The following ZNF578 variants were observed in gnomAD, a reference collection of about 807,000 sequenced individuals.
ZNF578 encodes zinc finger protein 578.
ZNF578 carries 8 observed loss-of-function variants against 8.3 expected under a neutral mutation model. The observed-to-expected ratio is 0.96, with a 90% CI of 0.56 to 1.74. ZNF578 has a LOEUF of 1.74. Ranked by LOEUF, ZNF578 falls within the 40% of genes most tolerant of loss-of-function variation. The pLI, the probability that ZNF578 is intolerant of heterozygous loss-of-function variation, is 0.00. For missense variants in ZNF578, 726 were observed against 707.5 expected (o/e 1.03, Z -0.30); for synonymous variants, 206 against 232.2 (o/e 0.89, Z 1.03).
intron 2 of ZNF578, among the ~76,000 whole-genome samples, chr19:52,488,944 A>G (rs949384676): frequency 6.6e-6 from 1 of 151,690 alleles, no homozygotes; most frequent in Non-Finnish European, 1.5e-5. Context: ...AAAATACAAA[A>G]ATTAGCTGGC....
chr19:52,461,939 C>T (rs772419380), intron 2 of ZNF578, among the ~76,000 whole-genome samples: 5 of 152,156 alleles, frequency 3.3e-5, no homozygotes, highest in Non-Finnish European at 5.9e-5. Flanking sequence ...GCACACTTTT[C>T]AGTGTAAGTA....
Position 52,511,175 on chromosome 19 carries a change from G to T in ZNF578, c.794G>T (p.Gly265Val), listed in dbSNP as rs561969065. ...GEKQYKFDIC[G>V]KVFNEKRYLA... ...AAACAATATAAATTTGATATATGTGGCAAAGTCTTTAATGAGAAGCGATAC... is the reference window on the plus strand; with the variant it reads ...AAACAATATAAATTTGATATATGTGTCAAAGTCTTTAATGAGAAGCGATAC... The change falls in exon 6 of 6, where the codon GGC becomes GTC. Residue 265 changes from glycine (G) to valine (V), a missense_variant. Physicochemically the swap from Gly to Val is moderately radical, Grantham distance 109. Transcript: ENST00000421239. 1.9e-6 allele frequency: 3 copies of T among 1,614,200 alleles called. No individual in the cohort carries two copies. The highest frequency in any genetic ancestry group is 2.7e-5 in the African/African-American group (2 of 75,064).
rs151186398 is a variant in ZNF578, at chr19:52,490,805, T to C, written c.-121-519T>C. Among the ~76,000 whole-genome samples the C allele has an allele frequency of 3.5e-3, 533 of 152,212 alleles. 8 individuals carry two copies. The highest frequency in any genetic ancestry group is 0.012 in the African/African-American group (491 of 41,526). Reference sequence around the variant, plus strand: ...GGTGACCGCCACCACGCCTGGCTGATTTTTGGAATCTTTTCTTATCTTCTC... The same window carrying C: ...GGTGACCGCCACCACGCCTGGCTGACTTTTGGAATCTTTTCTTATCTTCTC... On this transcript the variant is annotated intron_variant, in intron 2 of 5. Coordinates refer to ENST00000421239, the MANE Select transcript of ZNF578 (RefSeq NM_001099694.2).
chr19:52,485,010 T>C (rs914307231), intron 2 of ZNF578, among the ~76,000 whole-genome samples: 2 of 147,776 alleles, frequency 1.4e-5, no homozygotes, highest in Non-Finnish European at 3.0e-5. Context: ...TGGCTGTTTA[T>C]TTCACCTGGG....
At chr19:52,470,176 A>G (rs1324203511) in intron 2 of ZNF578, among the ~76,000 whole-genome samples, 1 of 152,072 alleles carries the variant, frequency 6.6e-6, no homozygotes, top group Non-Finnish European at 1.5e-5. Flanking sequence ...GACATTCACC[A>G]TGCATTGCCT....
chr19:52,501,836 C>T lies in ZNF578; in HGVS notation c.-10C>T. ...TTTCTTCCACATACAGGATTGATTT[C>T]TAAAGACTCATGTTACATGAGGAAG... On this transcript the variant is annotated 5_prime_UTR_variant, in exon 4 of 6. Transcript: ENST00000421239. 1 of 1,612,990 alleles carries T rather than the reference C, an allele frequency of 6.2e-7. No homozygotes were observed. The highest frequency in any genetic ancestry group is 8.5e-7 in the Non-Finnish European group (1 of 1,179,534).
At position 52,504,857 on chromosome 19, in the gene ZNF578, T is replaced by C; in HGVS notation, c.190+76T>C. ...GCTCTTCCTGGTTTTGTATTCTCTT[T>C]TGTGATTTTGCCCCATACGTGGTTT... On this transcript the variant is annotated intron_variant, in intron 5 of 5. Coordinates refer to ENST00000421239, the MANE Select transcript of ZNF578 (RefSeq NM_001099694.2). The C allele has an allele frequency of 2.5e-6, 4 of 1,590,136 alleles. No homozygotes were observed. The Admixed American group carries it at 7.5e-5, about 30-fold the overall frequency.
intron 4 of ZNF578, 36 bp downstream of exon 4, chr19:52,501,944 T>A (rs747144032): frequency 1.2e-6 from 2 of 1,605,198 alleles, no homozygotes; most frequent in Non-Finnish European, 1.7e-6. Flanking sequence ...AATCTGTCTC[T>A]TTCCTTTCTG....
At position 52,516,166 on chromosome 19, in the gene ZNF578, T is replaced by C. The variant is rs1017089765; in HGVS notation, c.*4012T>C. Among the ~76,000 whole-genome samples the C allele has an allele frequency of 5.3e-5, 8 of 152,194 alleles. No homozygotes were observed. Among genetic ancestry groups the C allele is most frequent in the African/African-American group, 1.9e-4 (8 of 41,446 alleles). ...ATGTACCCTGTCCCTTTCTCCTCCT[T>C]CAGGTCTAGGCTCAGAGCTCTCTCC... is the stretch of plus-strand genomic sequence containing the variant. On this transcript the variant is annotated 3_prime_UTR_variant, in exon 6 of 6. Transcript: ENST00000421239.
At chr19:52,499,672 T>C (rs186645743) in intron 3 of ZNF578, among the ~76,000 whole-genome samples, 3 of 149,880 alleles carry the variant, frequency 2.0e-5, no homozygotes, top group East Asian at 4.0e-4. Context: ...AGTGAGAAGA[T>C]ACATCACTTC....
intron 2 of ZNF578, among the ~76,000 whole-genome samples, chr19:52,479,255 G>A (rs1053788572): frequency 6.6e-6 from 1 of 151,782 alleles, no homozygotes; most frequent in Non-Finnish European, 1.5e-5. Context: ...CTTTCCCAAG[G>A]CCGGGCGCAG....
At chr19:52,483,854 G>C (rs1249573418) in intron 2 of ZNF578, among the ~76,000 whole-genome samples, 1 of 152,048 alleles carries the variant, frequency 6.6e-6, no homozygotes, top group Non-Finnish European at 1.5e-5. Flanking sequence ...ATATGAAGGG[G>C]GTGGCCTGCC....
At chr19:52,479,289 A>C (rs1207601226) in intron 2 of ZNF578, among the ~76,000 whole-genome samples, 4 of 151,934 alleles carry the variant, frequency 2.6e-5, no homozygotes, top group African/African-American at 9.7e-5. Context: ...TAATCCCAGC[A>C]CTTTGGGAGG....
chr19:52,477,487 GGTA>G (rs2122827291), intron 2 of ZNF578, among the ~76,000 whole-genome samples: 1 of 152,186 alleles, frequency 6.6e-6, no homozygotes, highest in African/African-American at 2.4e-5. Flanking sequence ...ATTTTTTCCT[GGTA>G]GTAGTGGGGA....
Position 52,512,259 on chromosome 19 carries a change from C to A in ZNF578, c.*105C>A. 2 of 1,599,316 alleles carry A rather than the reference C, an allele frequency of 1.3e-6. No individual in the cohort carries two copies. Among genetic ancestry groups the A allele is most frequent in the Non-Finnish European group, 8.6e-7 (1 of 1,166,912 alleles). On this transcript the variant is annotated 3_prime_UTR_variant, in exon 6 of 6. Transcript: ENST00000421239. ...AGGAGAATTCATACTGGAGAGAAAC[C>A]TTACAAGTGTAATGAGTGTGGCAAA...
intron 4 of ZNF578, among the ~76,000 whole-genome samples, chr19:52,502,408 G>A (rs985721385): frequency 3.9e-5 from 6 of 151,906 alleles, no homozygotes; most frequent in African/African-American, 1.5e-4. Flanking sequence ...AGATCAAGAT[G>A]TCTCTGTCTC....
intron 4 of ZNF578, among the ~76,000 whole-genome samples, chr19:52,503,891 G>A (rs569058575): frequency 1.0e-4 from 15 of 148,780 alleles, no homozygotes; most frequent in African/African-American, 3.2e-4. Flanking sequence ...TCCGCCTCCC[G>A]GATTCAAGCG....
chr19:52,501,601 G>A (rs10409896), intron 3 of ZNF578, among the ~76,000 whole-genome samples: 28,793 of 151,380 alleles, frequency 0.19, 2,972 homozygotes, highest in Non-Finnish European at 0.23. Flanking sequence ...CTGCTGCCTC[G>A]TGTGTGGTGG....
chr19:52,498,490 C>T (rs1435267535), intron 3 of ZNF578, among the ~76,000 whole-genome samples: 4 of 151,994 alleles, frequency 2.6e-5, no homozygotes, highest in Admixed American at 2.6e-4. Context: ...CACCACCACA[C>T]CCAGAGAATT....
Sources: allele counts gnomAD v4.1 joint callset (sites outside exome capture counted in the v4.1 genomes callset), GRCh38; gene constraint gnomAD v4.1.1; transcripts MANE v1.5; gene names NCBI Gene and HGNC (gene_info 2026-07-23, HGNC 2026-07-21).